TTLL1: variants seen among roughly 807,000 people sequenced by gnomAD.
TTLL1 encodes the protein polyglutamylase complex subunit TTLL1.
A neutral mutation model predicts 47.8 loss-of-function variants in TTLL1; 33 were observed. The observed-to-expected ratio is 0.69, with a 90% CI of 0.52 to 0.92. The LOEUF (loss-of-function observed/expected upper bound fraction) is 0.92. Among genes scored for constraint, TTLL1 ranks in the 40% least tolerant of loss-of-function variants. TTLL1 has a pLI of 0.00. For synonymous variants in TTLL1, 225 were observed against 214.1 expected (o/e 1.05, Z -0.45); for missense variants, 488 against 547.5 (o/e 0.89, Z 1.08).
chr22:43,074,427 C>CAAAAAAAAAAAA (rs61701643), intron 3 of TTLL1, among the ~76,000 whole-genome samples: 3 of 85,698 alleles, frequency 3.5e-5, no homozygotes, highest in Non-Finnish European at 8.0e-5. Flanking sequence ...AATTTCGTCT[C>CAAAAAAAAAAAA]AAAAAAAAAA....
chr22:43,069,191 A>G (rs1407177100), intron 4 of TTLL1, among the ~76,000 whole-genome samples: 1 of 145,460 alleles, frequency 6.9e-6, no homozygotes, highest in African/African-American at 2.6e-5. Flanking sequence ...CCTGGCCAAT[A>G]TGGTGAAATC....
At chr22:43,069,089 CATGCTGGCTGGGT>C (rs1318150778) in intron 4 of TTLL1, among the ~76,000 whole-genome samples, 1 of 151,770 alleles carries the variant, frequency 6.6e-6, no homozygotes, top group Non-Finnish European at 1.5e-5. Flanking sequence ...ACACAAAGTC[CATGCTGGCTGGGT>C]GTGGTGGCTC....
chr22:43,080,902 CTTTTTTTTTTTTTTT>C (rs10529079), intron 1 of TTLL1, among the ~76,000 whole-genome samples: 26,975 of 69,798 alleles, frequency 0.39, 4,466 homozygotes, highest in Middle Eastern at 0.57. Context: ...TGTTGCATGA[CTTTTTTTTTTTTTTT>C]TTTTTTTTTT....
At chr22:43,062,020 T>G (rs1056279808) in intron 7 of TTLL1, among the ~76,000 whole-genome samples, 1 of 152,172 alleles carries the variant, frequency 6.6e-6, no homozygotes, top group South Asian at 2.1e-4. Context: ...ATTTGATGAC[T>G]ATCTCCCCTG....
At chr22:43,077,386 C>T (rs1165012987) in intron 2 of TTLL1, among the ~76,000 whole-genome samples, 1 of 152,204 alleles carries the variant, frequency 6.6e-6, no homozygotes, top group African/African-American at 2.4e-5. Flanking sequence ...ATGAATGTCG[C>T]TTGCTCCACA....
intron 1 of TTLL1, among the ~76,000 whole-genome samples, chr22:43,084,406 T>C (rs774253667): frequency 1.3e-5 from 2 of 152,314 alleles, no homozygotes; most frequent in Non-Finnish European, 2.9e-5. Flanking sequence ...CACCTCAGCC[T>C]GCCAAAGTGT....
rs576889458 is a variant in TTLL1, at chr22:43,066,860, G to A, written c.503+1550C>T. 2.1e-3 allele frequency among the ~76,000 whole-genome samples: 317 copies of A among 151,590 alleles called. 1 individual carries two copies. The highest frequency in any genetic ancestry group is 7.2e-3 in the African/African-American group (297 of 41,310). Reference sequence around the variant, plus strand: ...AAAAAATTAGCCAGGCATGGTGGGTGCCTGTGATCCCAGCTACTTGGGAGG... The same window carrying A: ...AAAAAATTAGCCAGGCATGGTGGGTACCTGTGATCCCAGCTACTTGGGAGG... On this transcript the variant is annotated intron_variant, in intron 5 of 10. Transcript: ENST00000266254.
chr22:43,041,471 T>C (rs1569405614), intron 10 of TTLL1, among the ~76,000 whole-genome samples: 1 of 152,018 alleles, frequency 6.6e-6, no homozygotes. Flanking sequence ...TTTTCTGCAT[T>C]GTGCTTCTGG....
chr22:43,082,544 C>A (rs954957419), intron 1 of TTLL1, among the ~76,000 whole-genome samples: 1 of 151,412 alleles, frequency 6.6e-6, no homozygotes, highest in Non-Finnish European at 1.5e-5. Context: ...GGTGAAATAC[C>A]GTCTCTACTA....
Position 43,039,558 on chromosome 22 carries a change from A to T in TTLL1, c.*218T>A. ...AGTTTTTAATATGAAAATTCTGCTTAGGTTAAAAATTAAAAAAAAAAGAGC... is the reference window on the plus strand; with the variant it reads ...AGTTTTTAATATGAAAATTCTGCTTTGGTTAAAAATTAAAAAAAAAAGAGC... On this transcript the variant is annotated 3_prime_UTR_variant, in exon 11 of 11. Coordinates refer to ENST00000266254, the MANE Select transcript of TTLL1 (RefSeq NM_012263.5). 1 of 357,582 alleles carries T rather than the reference A, an allele frequency of 2.8e-6. No homozygotes were observed. The highest frequency in any genetic ancestry group is 4.3e-6 in the Non-Finnish European group (1 of 233,768). 22.2% of individuals were successfully genotyped at this position (357,582 alleles called of 1,614,324 possible).
intron 1 of TTLL1, among the ~76,000 whole-genome samples, chr22:43,085,588 T>A (rs1045748787): frequency 6.6e-6 from 1 of 152,214 alleles, no homozygotes; most frequent in African/African-American, 2.4e-5. Context: ...CCATGTATAA[T>A]GTGCCTTTGC....
intron 3 of TTLL1, among the ~76,000 whole-genome samples, chr22:43,072,996 T>A (rs146305528): frequency 3.4e-3 from 517 of 152,272 alleles, no homozygotes; most frequent in African/African-American, 0.012. Flanking sequence ...ATACATATGA[T>A]AAGTTTCAAT....
In TTLL1 at chr22:43,062,951, T is replaced by C. The variant is rs117855007; in HGVS notation, c.747+862A>G. Among the ~76,000 whole-genome samples, 220 of 152,360 alleles carry C rather than the reference T, an allele frequency of 1.4e-3. 6 individuals are homozygous for C. In the East Asian group the frequency reaches 0.03, roughly 21 times the overall value. On this transcript the variant is annotated intron_variant, in intron 7 of 10. Transcript: ENST00000266254. ...GGGCAAAATCATCTAAGGCAAAGCC[T>C]ATTTTATAATAAAGCGTGAAATACC...
chr22:43,069,909 C>G, intron 3 of TTLL1, 65 bp from the exon 4 acceptor site: 1 of 1,579,970 alleles, frequency 6.3e-7, no homozygotes, highest in Non-Finnish European at 8.6e-7. Context: ...CCTTTGTTCC[C>G]GTCCCCGCAA....
At chr22:43,073,356 TTTA>T (rs1294496088) in intron 3 of TTLL1, among the ~76,000 whole-genome samples, 3,319 of 140,670 alleles carry the variant, frequency 0.024, 159 homozygotes, top group African/African-American at 0.088. Context: ...TATTTATTTA[TTTA>T]TTTATTTTAT....
At chr22:43,084,047 C>G (rs1350244154) in intron 1 of TTLL1, among the ~76,000 whole-genome samples, 1 of 152,148 alleles carries the variant, frequency 6.6e-6, no homozygotes, top group Admixed American at 6.6e-5. Flanking sequence ...ACCATTTTAC[C>G]TAACAATATC....
At chr22:43,078,727 G>A (rs1164057511) in intron 2 of TTLL1, among the ~76,000 whole-genome samples, 1 of 152,010 alleles carries the variant, frequency 6.6e-6, no homozygotes, top group East Asian at 1.9e-4. Flanking sequence ...AAGCTACAAG[G>A]TGCTGTATAA....
intron 2 of TTLL1, among the ~76,000 whole-genome samples, chr22:43,078,356 C>T (rs1362580647): frequency 2.0e-5 from 3 of 151,982 alleles, no homozygotes; most frequent in African/African-American, 7.3e-5. Context: ...ATTAGCTGGG[C>T]GTGGTGGCAT....
Position 43,046,583 on chromosome 22 carries a change from G to C in TTLL1, c.979-10C>G, listed in dbSNP as rs1465198005. On this transcript the variant is annotated splice_polypyrimidine_tract_variant and intron_variant, in intron 9 of 10. Coordinates refer to ENST00000266254, the MANE Select transcript of TTLL1 (RefSeq NM_012263.5). ...ACGGGGACGCATTCACCTGTGAGAT[G>C]AAAGACCCATGTTCCTCACCTGTGT... is the stretch of plus-strand genomic sequence containing the variant. 6.2e-7 allele frequency: 1 copy of C among 1,612,584 alleles called. No individual in the cohort carries two copies. Among genetic ancestry groups the C allele is most frequent in the Non-Finnish European group, 8.5e-7 (1 of 1,178,810 alleles).
Sources: gnomAD v4.1 joint callset for allele counts (sites outside exome capture counted in the v4.1 genomes callset) on GRCh38, gnomAD v4.1.1 for gene constraint, MANE v1.5 for transcripts, NCBI Gene and HGNC (gene_info 2026-07-23, HGNC 2026-07-21) for gene names.